PBX3: variants seen among roughly 807,000 people sequenced by gnomAD.
PBX3 encodes the protein PBX homeobox 3.
A neutral mutation model predicts 48.5 loss-of-function variants in PBX3; 14 were observed. The observed-to-expected ratio is 0.29, with a 90% CI of 0.19 to 0.45. The LOEUF is 0.45. Among genes scored for constraint, PBX3 ranks in the 20% least tolerant of loss-of-function variants. PBX3 has a pLI of 1.00. For synonymous variants in PBX3, 210 were observed against 200.3 expected (o/e 1.05, Z -0.41); for missense variants, 386 against 546.7 (o/e 0.71, Z 2.93).
At chr9:125,758,297 CTT>C (rs902949592) in intron 2 of PBX3, among the ~76,000 whole-genome samples, 2 of 146,384 alleles carry the variant, frequency 1.4e-5, no homozygotes, top group South Asian at 2.1e-4. Context: ...AACCAGTTTC[CTT>C]TTTTTTTTGA....
intron 5 of PBX3, among the ~76,000 whole-genome samples, chr9:125,939,805 C>T (rs1266338974): frequency 6.6e-6 from 1 of 152,076 alleles, no homozygotes; most frequent in Non-Finnish European, 1.5e-5. Flanking sequence ...TTGGAGAATA[C>T]ACGTAACATA....
intron 2 of PBX3, among the ~76,000 whole-genome samples, chr9:125,907,940 T>G (rs1345799152): frequency 1.3e-5 from 2 of 152,110 alleles, no homozygotes; most frequent in Non-Finnish European, 2.9e-5. Flanking sequence ...TGTAAGGTTA[T>G]TTTAAAAATC....
intron 2 of PBX3, among the ~76,000 whole-genome samples, chr9:125,754,328 G>A (rs75522961): frequency 0.02 from 3,047 of 152,116 alleles, 170 homozygotes; most frequent in East Asian, 0.17. Flanking sequence ...CCTCAAGCCC[G>A]TGTTGACCTT....
chr9:125,892,964 A>G (rs1179857026), intron 2 of PBX3, among the ~76,000 whole-genome samples: 3 of 152,230 alleles, frequency 2.0e-5, no homozygotes, highest in Non-Finnish European at 1.5e-5. Context: ...TTACGCTAGC[A>G]TTACAGAGCT....
chr9:125,870,743 G>C (rs1310918126), intron 2 of PBX3, among the ~76,000 whole-genome samples: 12 of 152,194 alleles, frequency 7.9e-5, no homozygotes, highest in Non-Finnish European at 1.8e-4. Context: ...GTGGTGGTCA[G>C]AGTTAAATCA....
intron 2 of PBX3, among the ~76,000 whole-genome samples, chr9:125,800,073 G>C (rs372281463): frequency 4.6e-5 from 7 of 152,142 alleles, no homozygotes; most frequent in East Asian, 3.8e-4. Context: ...GATATTTGAT[G>C]TTAAAGCAGT....
rs78673780 is a variant in PBX3, at chr9:125,880,696, A to G, written c.275-34990A>G. 4.4e-3 allele frequency among the ~76,000 whole-genome samples: 677 copies of G among 152,286 alleles called. 7 individuals carry two copies. Among genetic ancestry groups the G allele is most frequent in the African/African-American group, 0.016 (652 of 41,564 alleles). On this transcript the variant is annotated intron_variant, in intron 2 of 8. Transcript: ENST00000373489. ...TATATTCAAAAAATCTTTTGCTGTA[A>G]TTTGTGGTAATCATTTAAAAATCAA...
Position 125,854,394 on chromosome 9 carries a change from C to T in PBX3, c.275-61292C>T, listed in dbSNP as rs533982451. 2.3e-3 allele frequency among the ~76,000 whole-genome samples: 345 copies of T among 152,120 alleles called. 2 individuals carry two copies. The highest frequency in any genetic ancestry group is 7.8e-3 in the African/African-American group (324 of 41,508). On this transcript the variant is annotated intron_variant, in intron 2 of 8. Transcript: ENST00000373489. Reference sequence around the variant, plus strand: ...AAGCGATCTTCCTGCCTCTGCCTCTCGAATTGCTGGGATTACAAGGTGTGT... The same window carrying T: ...AAGCGATCTTCCTGCCTCTGCCTCTTGAATTGCTGGGATTACAAGGTGTGT...
chr9:125,807,719 A>C (rs1371370870), intron 2 of PBX3, among the ~76,000 whole-genome samples: 4 of 152,090 alleles, frequency 2.6e-5, no homozygotes, highest in African/African-American at 9.7e-5. Context: ...TTGTAGGTAC[A>C]TGATAGTTCA....
At chr9:125,808,069 T>A (rs1041429649) in intron 2 of PBX3, among the ~76,000 whole-genome samples, 2 of 152,200 alleles carry the variant, frequency 1.3e-5, no homozygotes, top group Non-Finnish European at 2.9e-5. Flanking sequence ...CAGATAGGGA[T>A]AAAGTCTACT....
intron 2 of PBX3, among the ~76,000 whole-genome samples, chr9:125,809,299 T>G (rs751862931): frequency 1.3e-5 from 2 of 152,154 alleles, no homozygotes; most frequent in Non-Finnish European, 2.9e-5. Context: ...TTTTAGTGAG[T>G]AGGCAAATTT....
At chr9:125,800,750 A>ATTT (rs60068482) in intron 2 of PBX3, among the ~76,000 whole-genome samples, 5 of 133,110 alleles carry the variant, frequency 3.8e-5, no homozygotes, top group South Asian at 2.3e-4. Context: ...CTTGGAATTA[A>ATTT]TTTTTTTTTT....
chr9:125,965,391 C>T (rs952782375), intron 8 of PBX3, among the ~76,000 whole-genome samples: 9 of 152,158 alleles, frequency 5.9e-5, no homozygotes, highest in Admixed American at 5.2e-4. Flanking sequence ...GGCTGTCAGG[C>T]GTGTATGGAA....
At chr9:125,880,519 G>A (rs893524691) in intron 2 of PBX3, among the ~76,000 whole-genome samples, 2 of 152,144 alleles carry the variant, frequency 1.3e-5, no homozygotes, top group African/African-American at 4.8e-5. Flanking sequence ...GCAAATAGCA[G>A]TGTCTCCAGC....
chr9:125,839,724 T>C (rs975801802), intron 2 of PBX3, among the ~76,000 whole-genome samples: 1 of 152,176 alleles, frequency 6.6e-6, no homozygotes, highest in Non-Finnish European at 1.5e-5. Flanking sequence ...TCCAAGTATA[T>C]ATATTGTATG....
intron 2 of PBX3, among the ~76,000 whole-genome samples, chr9:125,808,992 G>T (rs1838208712): frequency 6.6e-6 from 1 of 152,030 alleles, no homozygotes; most frequent in South Asian, 2.1e-4. Context: ...GTTCTTGAGT[G>T]CCATTTTAAA....
chr9:125,864,708 G>A (rs1839939817), intron 2 of PBX3, among the ~76,000 whole-genome samples: 1 of 152,196 alleles, frequency 6.6e-6, no homozygotes, highest in Non-Finnish European at 1.5e-5. Flanking sequence ...ACAGGAAGCG[G>A]AACTCAGGTG....
chr9:125,776,762 T>G (rs555767716), intron 2 of PBX3, among the ~76,000 whole-genome samples: 1 of 152,008 alleles, frequency 6.6e-6, no homozygotes, highest in East Asian at 1.9e-4. Flanking sequence ...CAGGCTGGTC[T>G]TGAACTCCTG....
chr9:125,897,400 G>A (rs538470242), intron 2 of PBX3, among the ~76,000 whole-genome samples: 1 of 151,950 alleles, frequency 6.6e-6, no homozygotes, highest in South Asian at 2.1e-4. Flanking sequence ...CTTATTAAGA[G>A]TACCAGAAAG....
Sources: allele counts gnomAD v4.1 joint callset (sites outside exome capture counted in the v4.1 genomes callset), GRCh38; gene constraint gnomAD v4.1.1; transcripts MANE v1.5; gene names NCBI Gene and HGNC (gene_info 2026-07-23, HGNC 2026-07-21).